ROBO2: variants seen among roughly 807,000 people sequenced by gnomAD.
ROBO2 encodes roundabout guidance receptor 2.
ROBO2 carries 53 observed loss-of-function variants against 160.8 expected under a neutral mutation model. The ratio of observed to expected loss-of-function variants is 0.33; its 90% CI spans 0.26 to 0.41. The LOEUF is 0.41. Among genes scored for constraint, ROBO2 ranks in the 10% least tolerant of loss-of-function variants. The pLI is 1.00. For missense variants in ROBO2, 1,577 were observed against 1,722.4 expected (o/e 0.92, Z 1.49); for synonymous variants, 664 against 611.7 (o/e 1.09, Z -1.26).
chr3:76,189,178 CTCTA>C (rs199940977), intron 2 of ROBO2, among the ~76,000 whole-genome samples: 2,621 of 152,050 alleles, frequency 0.017, 35 homozygotes, highest in Non-Finnish European at 0.028. Flanking sequence ...TTCTTTGCAT[CTCTA>C]TCTAACTAAA....
intron 1 of ROBO2, among the ~76,000 whole-genome samples, chr3:75,926,857 C>T (rs1348374790): frequency 6.6e-6 from 1 of 152,188 alleles, no homozygotes; most frequent in Non-Finnish European, 1.5e-5. Flanking sequence ...CTCAGTCGAA[C>T]TTGGCAGATA....
intron 2 of ROBO2, among the ~76,000 whole-genome samples, chr3:77,020,127 G>A (rs1352763588): frequency 1.3e-5 from 2 of 152,004 alleles, no homozygotes; most frequent in Admixed American, 6.6e-5. Context: ...AAACAGCACA[G>A]GAATTATTTA....
At chr3:77,365,959 T>C (rs908137587) in intron 2 of ROBO2, among the ~76,000 whole-genome samples, 2 of 152,182 alleles carry the variant, frequency 1.3e-5, no homozygotes, top group Non-Finnish European at 2.9e-5. Context: ...TTATTTTGAT[T>C]GCAGAAAAAT....
intron 2 of ROBO2, among the ~76,000 whole-genome samples, chr3:77,108,454 A>T (rs1441316308): frequency 6.6e-6 from 1 of 152,132 alleles, no homozygotes; most frequent in East Asian, 1.9e-4. Flanking sequence ...TGCTAGGATT[A>T]CAAGTATGAG....
At chr3:76,345,546 G>A (rs2108227003) in intron 2 of ROBO2, among the ~76,000 whole-genome samples, 1 of 149,906 alleles carries the variant, frequency 6.7e-6, no homozygotes, top group East Asian at 2.0e-4. Flanking sequence ...AATTTTCCTT[G>A]GGTTCCCTAG....
chr3:77,086,101 G>A (rs962732248), intron 1 of ROBO2, among the ~76,000 whole-genome samples: 1 of 152,072 alleles, frequency 6.6e-6, no homozygotes, highest in Non-Finnish European at 1.5e-5. Flanking sequence ...AAATAGTTTA[G>A]AGGGACACAG....
intron 5 of ROBO2, among the ~76,000 whole-genome samples, chr3:77,520,674 A>G (rs997500484): frequency 2.0e-5 from 3 of 151,282 alleles, no homozygotes; most frequent in African/African-American, 4.8e-5. Context: ...AAGAATAAAT[A>G]GCTAAACAGT....
intron 2 of ROBO2, among the ~76,000 whole-genome samples, chr3:77,392,224 C>T (rs1362127033): frequency 6.6e-6 from 1 of 152,178 alleles, no homozygotes; most frequent in African/African-American, 2.4e-5. Flanking sequence ...TATCCTTAAT[C>T]GACTCAGTTT....
chr3:75,984,111 A>G (rs768025427), intron 2 of ROBO2, among the ~76,000 whole-genome samples: 1 of 151,524 alleles, frequency 6.6e-6, no homozygotes, highest in Non-Finnish European at 1.5e-5. Context: ...CCACATTTTC[A>G]TAAAGGCCAC....
intron 2 of ROBO2, among the ~76,000 whole-genome samples, chr3:76,565,380 C>T (rs535837285): frequency 6.6e-5 from 10 of 152,082 alleles, no homozygotes; most frequent in South Asian, 2.1e-4. Flanking sequence ...CACTGACATA[C>T]GATAGCCACA....
intron 2 of ROBO2, among the ~76,000 whole-genome samples, chr3:76,443,646 A>C (rs2077031415): frequency 6.6e-6 from 1 of 152,174 alleles, no homozygotes; most frequent in East Asian, 1.9e-4. Context: ...GTTAAGGCAC[A>C]ATTTAAGTGT....
At chr3:77,462,555 A>G (rs575844413) in intron 2 of ROBO2, among the ~76,000 whole-genome samples, 29 of 152,342 alleles carry the variant, frequency 1.9e-4, no homozygotes, top group Admixed American at 1.8e-3. Context: ...CCATGTTTCT[A>G]TACTCTCTTC....
At chr3:76,277,329 C>G (rs536503914) in intron 2 of ROBO2, among the ~76,000 whole-genome samples, 3 of 152,078 alleles carry the variant, frequency 2.0e-5, no homozygotes, top group Middle Eastern at 3.4e-3. Flanking sequence ...AGGTTTTAGA[C>G]TCTACCTACA....
intron 2 of ROBO2, among the ~76,000 whole-genome samples, chr3:76,359,423 C>T (rs1484511155): frequency 6.6e-6 from 1 of 151,962 alleles, no homozygotes; most frequent in Non-Finnish European, 1.5e-5. Context: ...TCATGTTATC[C>T]TAGACCTATA....
chr3:76,036,747 GCC>G (rs2067122574), intron 2 of ROBO2, among the ~76,000 whole-genome samples: 1 of 151,684 alleles, frequency 6.6e-6, no homozygotes, highest in Non-Finnish European at 1.5e-5. Context: ...CAGGTGATCT[GCC>G]CACCTCGGCC....
intron 2 of ROBO2, among the ~76,000 whole-genome samples, chr3:76,687,880 T>C (rs989126686): frequency 5.3e-5 from 8 of 152,078 alleles, no homozygotes; most frequent in African/African-American, 1.9e-4. Context: ...ACATGTTCTT[T>C]AAACACTAAA....
At chr3:76,574,037 A>C (rs1359688474) in intron 2 of ROBO2, among the ~76,000 whole-genome samples, 1 of 152,114 alleles carries the variant, frequency 6.6e-6, no homozygotes, top group Non-Finnish European at 1.5e-5. Context: ...AACTCCCCTG[A>C]TGAACTAGAG....
chr3:76,167,958 G>T (rs963882015), intron 2 of ROBO2, among the ~76,000 whole-genome samples: 4 of 152,156 alleles, frequency 2.6e-5, no homozygotes, highest in Non-Finnish European at 5.9e-5. Flanking sequence ...AAATCTCTTG[G>T]AAGCGCTGGT....
intron 2 of ROBO2, among the ~76,000 whole-genome samples, chr3:77,146,656 A>G (rs1477886184): frequency 6.7e-6 from 1 of 150,330 alleles, no homozygotes; most frequent in Non-Finnish European, 1.5e-5. Context: ...AAATTCAGGT[A>G]TGCGTACAGG....
Sources: gnomAD v4.1 joint callset for allele counts (sites outside exome capture counted in the v4.1 genomes callset) on GRCh38, gnomAD v4.1.1 for gene constraint, MANE v1.5 for transcripts, NCBI Gene and HGNC (gene_info 2026-07-23, HGNC 2026-07-21) for gene names.